The following ACOT11 variants were observed in gnomAD, a reference collection of about 807,000 sequenced individuals.
The protein encoded by ACOT11 is acyl-coenzyme A thioesterase 11.
ACOT11 carries 69 observed loss-of-function variants against 77.5 expected under a neutral mutation model. The observed-to-expected ratio is 0.89, with a 90% CI of 0.73 to 1.09. The LOEUF (loss-of-function observed/expected upper bound fraction) is 1.09, where lower values mean the gene tolerates loss of function less well. Ranked by LOEUF, ACOT11 falls within the 50% of genes least tolerant of loss-of-function variation. The probability of loss-of-function intolerance (pLI) is 0.00; values close to 1 mark genes in which losing one functional copy is unlikely to be tolerated. For missense variants in ACOT11, 766 were observed against 813.7 expected, an observed-to-expected ratio of 0.94 and a Z score of 0.71; for synonymous variants, 279 against 313.0, an observed-to-expected ratio of 0.89 and a Z score of 1.15.
downstream of ACOT11, among the ~76,000 whole-genome samples, chr1:54,613,390 ACT>A (rs1402438701): frequency 7.9e-5 from 12 of 151,448 alleles, 1 homozygote; most frequent in South Asian, 4.2e-4. Context: ...AAAAAAAAAA[ACT>A]TTTTTTCCTG....
Position 54,608,021 on chromosome 1 carries a change from C to T in ACOT11, c.1582C>T (p.Leu528Phe). Residue 528 changes from leucine to phenylalanine, a missense_variant, in exon 15 of 16, where the codon CTC becomes TTC. Physicochemically the swap from Leu to Phe is conservative, Grantham distance 22 (BLOSUM62 0). Transcript: ENST00000343744. ...ETPEYRRGET[L>F]CSGFCLWREG... Reference sequence around the variant, plus strand: ...GCCAGAGTACAGACGCGGAGAGACCCTCTGCTCAGGCTTCTGCCTCTGGCG... The same window carrying T: ...GCCAGAGTACAGACGCGGAGAGACCTTCTGCTCAGGCTTCTGCCTCTGGCG... 3 of 1,613,620 alleles carry T rather than the reference C, an allele frequency of 1.9e-6. No individual in the cohort carries two copies. The highest frequency in any genetic ancestry group is 1.3e-5 in the African/African-American group (1 of 74,948).
At chr1:54,552,317 C>A (rs145763017) in intron 1 of ACOT11, among the ~76,000 whole-genome samples, 468 of 152,198 alleles carry the variant, frequency 3.1e-3, no homozygotes, top group African/African-American at 0.011. Flanking sequence ...CGAGGAGTCC[C>A]AAAACTGCTG....
At chr1:54,572,089 C>T (rs374682892) in intron 1 of ACOT11, among the ~76,000 whole-genome samples, 32 of 151,882 alleles carry the variant, frequency 2.1e-4, no homozygotes, top group African/African-American at 7.3e-4. Flanking sequence ...GGAGCCTGTC[C>T]TCCCTTCCTG....
rs188293900 is a variant in ACOT11 at position 54,571,463 on chromosome 1, A to G, written c.34-13192A>G. 2.4e-3 allele frequency among the ~76,000 whole-genome samples: 363 copies of G among 152,230 alleles called. 1 individual carries two copies. The highest frequency in any genetic ancestry group is 8.3e-3 in the African/African-American group (345 of 41,532). ...GGAGTGTGGATGGTGCCGCGTAGAG[A>G]GTTGCTGGCACACCTGCTGAGCTCA... On this transcript the variant is annotated intron_variant, in intron 1 of 15. Coordinates refer to ENST00000343744, the MANE Select transcript of ACOT11 (RefSeq NM_147161.4).
chr1:54,601,402 C>A lies in ACOT11; in HGVS notation c.1018C>A (p.Pro340Thr), dbSNP rs145893275. The A allele has an allele frequency of 1.2e-6, 2 of 1,612,408 alleles. No individual in the cohort carries two copies. Among genetic ancestry groups the A allele is most frequent in the Admixed American group, 3.3e-5 (2 of 59,986 alleles). Reference sequence around the variant, plus strand: ...GCCCCAGTTGCTGCCCTGGATTCGGCCCCAGCCCGGCGTAAGTGGGACCAG... The same window carrying A: ...GCCCCAGTTGCTGCCCTGGATTCGGACCCAGCCCGGCGTAAGTGGGACCAG... ...DQPQLLPWIR[P>T]QPGDGERRYR... Residue 340 changes from proline to threonine, a missense_variant, in exon 9 of 16, where the codon CCC (proline) becomes ACC (threonine). Transcript: ENST00000343744.
At chr1:54,560,428 G>A (rs976557634) in intron 1 of ACOT11, among the ~76,000 whole-genome samples, 18 of 152,170 alleles carry the variant, frequency 1.2e-4, no homozygotes, top group Non-Finnish European at 1.8e-4. Flanking sequence ...CCTTGTCCAT[G>A]TAATATGTAT....
At chr1:54,563,160 A>C (rs1034944585) in intron 1 of ACOT11, among the ~76,000 whole-genome samples, 1 of 152,206 alleles carries the variant, frequency 6.6e-6, no homozygotes, top group Admixed American at 6.5e-5. Context: ...ATTTTTTAAA[A>C]ATGTATTCTA....
At chr1:54,580,472 C>T (rs1054567463) in intron 1 of ACOT11, among the ~76,000 whole-genome samples, 1 of 152,226 alleles carries the variant, frequency 6.6e-6, no homozygotes, top group African/African-American at 2.4e-5. Flanking sequence ...AGCATTTTCC[C>T]ACCTGCTCTC....
intron 15 of ACOT11, among the ~76,000 whole-genome samples, chr1:54,615,633 A>C (rs1266887408): frequency 6.8e-6 from 1 of 147,722 alleles, no homozygotes; most frequent in Non-Finnish European, 1.5e-5. Flanking sequence ...AGGGAGAGGG[A>C]GGCATTATGG....
downstream of ACOT11, among the ~76,000 whole-genome samples, chr1:54,613,488 G>A (rs1644140174): frequency 6.6e-6 from 1 of 151,266 alleles, no homozygotes; most frequent in Admixed American, 6.6e-5. Context: ...TGGTCTCGCT[G>A]TGTTGCCCAG....
At chr1:54,610,412 C>A (rs1218430479), downstream of ACOT11, 5 of 1,612,908 alleles carry the variant, frequency 3.1e-6, no homozygotes, top group Non-Finnish European at 4.2e-6. Context: ...TAGACCTTAC[C>A]TGGGAGGGTC....
Position 54,610,102 on chromosome 1 carries a change from T to C in ACOT11, c.*990T>C. On this transcript the variant is annotated 3_prime_UTR_variant, in exon 16 of 16. Coordinates refer to ENST00000343744, the MANE Select transcript of ACOT11 (RefSeq NM_147161.4). ...TGGGCTCCAGGTGGATGGGTTGCTT[T>C]ATAAATGTGCCTGGTGCATGAGAAA... 3 of 1,434,200 alleles carry C rather than the reference T, an allele frequency of 2.1e-6. No homozygotes were observed. Among genetic ancestry groups the C allele is most frequent in the Non-Finnish European group, 2.7e-6 (3 of 1,099,396 alleles). 88.8% of individuals were successfully genotyped at this position (1,434,200 alleles called of 1,614,324 possible). A position where few individuals can be genotyped will look rare whatever the true frequency, so the allele number is the denominator to read the frequency against.
At position 54,632,858 on chromosome 1, in the gene ACOT11, A is replaced by G. The variant is rs1159702662; in HGVS notation, c.1783-1830A>G. Among the ~76,000 whole-genome samples the G allele has an allele frequency of 1.3e-5, 2 of 152,178 alleles. 1 individual carries two copies. ...CTGAAGTATATCAAAGTAGTTATAT[A>G]TTGCATTGTGAGGGGCCCGATGGAC... On this transcript the variant is annotated intron_variant, in intron 16 of 16. Transcript: ENST00000371316.
At chr1:54,617,209 T>C (rs1295055670) in intron 15 of ACOT11, among the ~76,000 whole-genome samples, 2 of 152,116 alleles carry the variant, frequency 1.3e-5, no homozygotes, top group Non-Finnish European at 2.9e-5. Context: ...CAGACCTTTC[T>C]AATGGGAAGC....
chr1:54,607,033 A>G lies in ACOT11; in HGVS notation c.1371-101A>G. 6.6e-7 allele frequency: 1 copy of G among 1,516,448 alleles called. No individual in the cohort carries two copies. Among genetic ancestry groups the G allele is most frequent in the Non-Finnish European group, 8.9e-7 (1 of 1,119,104 alleles). 93.9% of individuals were successfully genotyped at this position (1,516,448 alleles called of 1,614,324 possible). A position where few individuals can be genotyped will look rare whatever the true frequency, so the allele number is the denominator to read the frequency against. Reference sequence around the variant, plus strand: ...TACAGGGGGTGACATCCCATCACAGAAGCTGCTCAGGCACTGCAGTGTGGC... The same window carrying G: ...TACAGGGGGTGACATCCCATCACAGGAGCTGCTCAGGCACTGCAGTGTGGC... On this transcript the variant is annotated intron_variant, in intron 13 of 15. Coordinates refer to ENST00000343744, the MANE Select transcript of ACOT11 (RefSeq NM_147161.4). The surrounding 1 kb of genome is among the most constrained non-coding windows in gnomAD (Gnocchi z 4.5).
chr1:54,595,935 A>G (rs1009682375), intron 6 of ACOT11, among the ~76,000 whole-genome samples: 9 of 152,360 alleles, frequency 5.9e-5, no homozygotes, highest in Non-Finnish European at 1.2e-4. Flanking sequence ...GCCTCAAGCT[A>G]TGCCCTGAGT....
chr1:54,581,392 A>G (rs954103187), intron 1 of ACOT11, among the ~76,000 whole-genome samples: 3 of 152,122 alleles, frequency 2.0e-5, no homozygotes, highest in Admixed American at 6.5e-5. Flanking sequence ...GTGGCCCAGC[A>G]GGGCTTATAT....
intron 1 of ACOT11, among the ~76,000 whole-genome samples, chr1:54,574,704 G>T (rs1654043002): frequency 6.6e-6 from 1 of 152,116 alleles, no homozygotes; most frequent in Non-Finnish European, 1.5e-5. Flanking sequence ...CTGAGGGTGG[G>T]GCCGGGATTC....
chr1:54,605,286 C>A, intron 13 of ACOT11, 77 bp downstream of exon 13: 2 of 1,534,480 alleles, frequency 1.3e-6, no homozygotes, highest in South Asian at 1.2e-5. Context: ...TTCTGCGGGT[C>A]ATCCTCCATG....
Sources: gnomAD v4.1 joint callset for allele counts (sites outside exome capture counted in the v4.1 genomes callset) on GRCh38, gnomAD v4.1.1 for gene constraint, Gnocchi (gnomAD v3.1) non-coding constraint, MANE v1.5 for transcripts, NCBI Gene and HGNC (gene_info 2026-07-23, HGNC 2026-07-21) for gene names.